FBLN7: variants seen among roughly 807,000 people sequenced by gnomAD.
FBLN7 encodes the protein fibulin-7.
FBLN7 carries 31 observed loss-of-function variants against 44.0 expected under a neutral mutation model. That is an observed-to-expected ratio of 0.70 (90% CI 0.53 to 0.95). The LOEUF (loss-of-function observed/expected upper bound fraction) is 0.95. Ranked by LOEUF, FBLN7 falls within the 40% of genes least tolerant of loss-of-function variation. The pLI is 0.00. For synonymous variants in FBLN7, 262 were observed against 253.4 expected, an observed-to-expected ratio of 1.03 and a Z score of -0.32; for missense variants, 573 against 618.5, an observed-to-expected ratio of 0.93 and a Z score of 0.78.
chr2:112,164,854 C>T, intron 2 of FBLN7, 147 bp from the exon 3 acceptor site: 1 of 844,240 alleles, frequency 1.2e-6, no homozygotes, highest in Non-Finnish European at 1.8e-6. Flanking sequence ...TGATGAGACG[C>T]AGCATGCAGA....
chr2:112,143,886 A>G (rs918121103), intron 1 of FBLN7, among the ~76,000 whole-genome samples: 36 of 152,182 alleles, frequency 2.4e-4, no homozygotes, highest in African/African-American at 8.2e-4. Flanking sequence ...CCCGGCCTCC[A>G]CAATGTCATA....
intron 6 of FBLN7, 135 bp from the exon 7 acceptor site, chr2:112,185,066 G>C (rs1359039317): frequency 4.9e-6 from 6 of 1,233,514 alleles, no homozygotes; most frequent in Non-Finnish European, 6.7e-6. Flanking sequence ...AGGAAGGCAG[G>C]CTTTCTGCTT....
At chr2:112,214,149 T>C in the FBLN7 span, 3 of 152,044 alleles carry the variant, frequency 2.0e-5, no homozygotes, top group Admixed American at 6.6e-5. Context: ...GGTTTCACCA[T>C]GTTAGCCAGG....
At chr2:112,141,921 A>G (rs1428837298) in intron 1 of FBLN7, among the ~76,000 whole-genome samples, 1 of 152,166 alleles carries the variant, frequency 6.6e-6, no homozygotes, top group Non-Finnish European at 1.5e-5. Flanking sequence ...TCTGGGTCCA[A>G]TCCCTGTCCC....
rs562227142 is a variant in FBLN7, at chr2:112,175,870, C to T, written c.532+31C>T. 11 of 1,608,372 alleles carry T rather than the reference C, an allele frequency of 6.8e-6. No individual in the cohort carries two copies. In the East Asian group the frequency reaches 1.6e-4, roughly 23 times the overall value. Reference sequence around the variant, plus strand: ...TAGCCACCATGGGGTTAGGTGAGGACATCCTGCTGTGGGGAGAGGAGGACC... The same window carrying T: ...TAGCCACCATGGGGTTAGGTGAGGATATCCTGCTGTGGGGAGAGGAGGACC... On this transcript the variant is annotated intron_variant, in intron 4 of 7. Coordinates refer to ENST00000331203, the MANE Select transcript of FBLN7 (RefSeq NM_153214.3).
intron 2 of FBLN7, among the ~76,000 whole-genome samples, chr2:112,160,746 GCGCACGCA>G (rs1386000666): frequency 1.2e-5 from 1 of 86,214 alleles, no homozygotes; most frequent in South Asian, 3.5e-4. Context: ...ACGCACACAC[GCGCACGCA>G]CACACGCACG....
chr2:112,138,633 G>C lies in FBLN7; in HGVS notation c.-23G>C. The C allele has an allele frequency of 6.2e-7, 1 of 1,613,852 alleles. No homozygotes were observed. The highest frequency in any genetic ancestry group is 8.5e-7 in the Non-Finnish European group (1 of 1,179,874). ...GAGGCAAAGTTATTTCCCCTCCCAGGCAGCGGGATTCCGACTGGCAAGATG... is the reference window on the plus strand; with the variant it reads ...GAGGCAAAGTTATTTCCCCTCCCAGCCAGCGGGATTCCGACTGGCAAGATG... On this transcript the variant is annotated 5_prime_UTR_variant, in exon 1 of 8. Transcript: ENST00000331203.
At position 112,165,176 on chromosome 2, in the gene FBLN7, C is replaced by T. The variant is rs375264075; in HGVS notation, c.406+5C>T. ...GGGAGCAGCCCCACTGTAGAGGTAT[C>T]GTCTCTCCTTCCCATCCCACTGCGC... is the stretch of plus-strand genomic sequence containing the variant. On this transcript the variant is annotated splice_donor_5th_base_variant and intron_variant, in intron 3 of 7. Coordinates refer to ENST00000331203, the MANE Select transcript of FBLN7 (RefSeq NM_153214.3). 5.0e-6 allele frequency: 8 copies of T among 1,613,622 alleles called. No homozygotes were observed. The highest frequency in any genetic ancestry group is 2.2e-5 in the East Asian group (1 of 44,866).
At chr2:112,226,607 C>CAAAAAAAAAAA in the FBLN7 span, among the ~76,000 whole-genome samples, 2 of 53,196 alleles carry the variant, frequency 3.8e-5, no homozygotes, top group South Asian at 4.4e-4. Flanking sequence ...AAAAAAAAAG[C>CAAAAAAAAAAA]TCAGGCCCAG....
the FBLN7 span, chr2:112,230,870 GA>G: frequency 6.3e-6 from 8 of 1,266,538 alleles, no homozygotes; most frequent in Non-Finnish European, 8.3e-6. Flanking sequence ...GTTCAGACAA[GA>G]AAAAAAGAAA....
At chr2:112,222,390 G>C in the FBLN7 span, among the ~76,000 whole-genome samples, 1 of 152,192 alleles carries the variant, frequency 6.6e-6, no homozygotes, top group Non-Finnish European at 1.5e-5. Flanking sequence ...CAAGAGGTGG[G>C]GGGAGGGTGG....
Position 112,185,266 on chromosome 2 carries a change from G to A in FBLN7, c.874G>A (p.Gly292Arg). 6.2e-7 allele frequency: 1 copy of A among 1,614,022 alleles called. No homozygotes were observed. The highest frequency in any genetic ancestry group is 8.5e-7 in the Non-Finnish European group (1 of 1,179,918). The change falls in exon 7 of 8, where the codon GGA (glycine) becomes AGA (arginine). Residue 292 changes from glycine (G) to arginine (R), a missense_variant. Physicochemically the swap from Gly to Arg is moderately radical, Grantham distance 125 (BLOSUM62 -2). Transcript: ENST00000331203. Reference protein sequence around the residue: ...PQGTTCINTGGSFQCVSPECP... With the variant: ...PQGTTCINTGRSFQCVSPECP... The stretch of plus-strand genomic sequence containing the variant: ...GGGGACCACATGCATCAACACCGGT[G>A]GAAGCTTCCAGTGTGTCAGCCCTGA...
At position 112,138,955 on chromosome 2, in the gene FBLN7, C is replaced by G. The variant is rs1343692851; in HGVS notation, c.75+225C>G. ...ACGCCAGTGTCCCTCCCGCCTCTCT[C>G]CAGGCCAGCGTCCCTCCCGCCTCTC... is the stretch of plus-strand genomic sequence containing the variant. On this transcript the variant is annotated intron_variant, in intron 1 of 7. Coordinates refer to ENST00000331203, the MANE Select transcript of FBLN7 (RefSeq NM_153214.3). 4.1e-4 allele frequency among the ~76,000 whole-genome samples: 56 copies of G among 135,724 alleles called. 2 individuals are homozygous for G. The highest frequency in any genetic ancestry group is 1.3e-3 in the African/African-American group (47 of 35,022). 89.0% of individuals were successfully genotyped at this position (135,724 alleles called of 152,430 possible).
the FBLN7 span, among the ~76,000 whole-genome samples, chr2:112,234,448 G>A: frequency 6.6e-6 from 1 of 152,142 alleles, no homozygotes; most frequent in Non-Finnish European, 1.5e-5. Flanking sequence ...ATTAATGTTT[G>A]TATTGATTTG....
At chr2:112,151,618 T>C (rs1400449822) in intron 1 of FBLN7, 1 of 152,242 alleles carries the variant, frequency 6.6e-6, no homozygotes, top group Admixed American at 6.5e-5. Context: ...TGATTCCTTT[T>C]TATCTACTAA....
At chr2:112,218,725 C>G in the FBLN7 span, among the ~76,000 whole-genome samples, 1 of 152,084 alleles carries the variant, frequency 6.6e-6, no homozygotes, top group African/African-American at 2.4e-5. Flanking sequence ...TGTTTATGTT[C>G]TTGGTAAGGC....
intron 6 of FBLN7, among the ~76,000 whole-genome samples, chr2:112,184,425 A>G (rs1185046141): frequency 6.6e-6 from 1 of 151,962 alleles, no homozygotes; most frequent in East Asian, 1.9e-4. Flanking sequence ...CCAGATAGCC[A>G]CCCACACTCC....
At chr2:112,154,042 CTGT>C (rs1292754662) in intron 1 of FBLN7, among the ~76,000 whole-genome samples, 1 of 152,220 alleles carries the variant, frequency 6.6e-6, no homozygotes, top group Non-Finnish European at 1.5e-5. Context: ...GGGGTGACAT[CTGT>C]TGTTCCTTCT....
At chr2:112,176,032 A>G in intron 4 of FBLN7, 193 bp downstream of exon 4, 1 of 535,940 alleles carries the variant, frequency 1.9e-6, no homozygotes, top group Non-Finnish European at 3.0e-6. Context: ...TAGCTCTTTG[A>G]TGCAACCAGA....
Sources: gnomAD v4.1 joint callset for allele counts (sites outside exome capture counted in the v4.1 genomes callset) on GRCh38, gnomAD v4.1.1 for gene constraint, MANE v1.5 for transcripts, NCBI Gene and HGNC (gene_info 2026-07-23, HGNC 2026-07-21) for gene names.